Variants in UGT1A9 observed in about 807,000 individuals in gnomAD.
The protein encoded by UGT1A9 is UDP-glucuronosyltransferase 1A9.
A neutral mutation model predicts 45.0 loss-of-function variants in UGT1A9; 35 were observed. The observed-to-expected ratio is 0.78, with a 90% CI of 0.59 to 1.03. The LOEUF is 1.03. Ranked by LOEUF, UGT1A9 falls within the 50% of genes least tolerant of loss-of-function variation. UGT1A9 has a pLI of 0.00. For missense variants in UGT1A9, 687 were observed against 666.6 expected (o/e 1.03, Z -0.34); for synonymous variants, 278 against 250.6 (o/e 1.11, Z -1.03).
intron 1 of UGT1A9, chr2:233,713,803 C>G: frequency 6.2e-7 from 1 of 1,614,054 alleles, no homozygotes; most frequent in East Asian, 2.2e-5. Context: ...CCGATCATGC[C>G]CAACATGGTC....
At chr2:233,734,022 G>T (rs1181978921) in intron 1 of UGT1A9, among the ~76,000 whole-genome samples, 1 of 151,928 alleles carries the variant, frequency 6.6e-6, no homozygotes, top group Non-Finnish European at 1.5e-5. Context: ...CGAGTTAATG[G>T]GTGCAGCACA....
At chr2:233,703,467 T>G (rs1299395084) in intron 1 of UGT1A9, among the ~76,000 whole-genome samples, 1 of 152,154 alleles carries the variant, frequency 6.6e-6, no homozygotes, top group African/African-American at 2.4e-5. Flanking sequence ...CTATTCTTTA[T>G]TATTTTCTGC....
chr2:233,748,151 T>C, intron 1 of UGT1A9: 1 of 1,604,824 alleles, frequency 6.2e-7, no homozygotes, highest in East Asian at 2.2e-5. Flanking sequence ...TTACTTACAA[T>C]TGCTTCCATA....
intron 1 of UGT1A9, chr2:233,690,033 G>A: frequency 2.4e-6 from 1 of 420,618 alleles, no homozygotes; most frequent in Non-Finnish European, 4.7e-6. Flanking sequence ...CAAGATCTGG[G>A]CCCAGAGCAT....
chr2:233,772,593 C>A lies in UGT1A9; in HGVS notation c.*34C>A. The A allele has an allele frequency of 2.5e-6, 4 of 1,598,604 alleles. No individual in the cohort carries two copies. Among genetic ancestry groups the A allele is most frequent in the Non-Finnish European group, 3.4e-6 (4 of 1,171,794 alleles). On this transcript the variant is annotated 3_prime_UTR_variant, in exon 5 of 5. Transcript: ENST00000354728. The stretch of plus-strand genomic sequence containing the variant: ...TGGGAAATAAGGTAAAATTTTGAAC[C>A]ATTCCCTAGTCATTTCCAAACTTGA...
At chr2:233,674,954 T>C (rs933567477) in intron 1 of UGT1A9, among the ~76,000 whole-genome samples, 1 of 152,202 alleles carries the variant, frequency 6.6e-6, no homozygotes, top group African/African-American at 2.4e-5. Flanking sequence ...TACATCTTGC[T>C]GGGAAACAGG....
At chr2:233,719,615 C>A (rs2076787703) in intron 1 of UGT1A9, 1 of 1,614,016 alleles carries the variant, frequency 6.2e-7, no homozygotes, top group Non-Finnish European at 8.5e-7. Flanking sequence ...TGATGGACTA[C>A]CCCAGGCCGA....
intron 1 of UGT1A9, among the ~76,000 whole-genome samples, chr2:233,725,570 A>G (rs1169063809): frequency 1.3e-5 from 2 of 152,178 alleles, no homozygotes; most frequent in Admixed American, 1.3e-4. Flanking sequence ...TATATTCGAT[A>G]TAAGATTATG....
intron 1 of UGT1A9, among the ~76,000 whole-genome samples, chr2:233,700,438 A>G (rs1275307024): frequency 2.0e-5 from 3 of 152,248 alleles, no homozygotes; most frequent in Admixed American, 6.5e-5. Flanking sequence ...TCTAAAGAGT[A>G]GCTGAATGCT....
chr2:233,730,252 T>A (rs1444242669), intron 1 of UGT1A9, among the ~76,000 whole-genome samples: 1 of 152,134 alleles, frequency 6.6e-6, no homozygotes, highest in Non-Finnish European at 1.5e-5. Context: ...GTGTGACTCA[T>A]AGAGACTGTT....
rs1014873450 is a variant in UGT1A9, at chr2:233,765,562, T to G, written c.856-1472T>G. Among the ~76,000 whole-genome samples, 9 of 151,822 alleles carry G rather than the reference T, an allele frequency of 5.9e-5. No homozygotes were observed. In the East Asian group the frequency reaches 1.7e-3, roughly 29 times the overall value. Reference sequence around the variant, plus strand: ...ATAAGTGGGAGTTGAACAGTGAGAATGCGTAGACGCAGGGAGGGGAACAAC... The same window carrying G: ...ATAAGTGGGAGTTGAACAGTGAGAAGGCGTAGACGCAGGGAGGGGAACAAC... On this transcript the variant is annotated intron_variant, in intron 1 of 4. Transcript: ENST00000354728.
rs999993314 is a variant in UGT1A9 at position 233,702,022 on chromosome 2, C to CA, written c.855+29242dup. 3.8e-3 allele frequency among the ~76,000 whole-genome samples: 570 copies of CA among 150,354 alleles called. 6 individuals are homozygous for CA. Among genetic ancestry groups the CA allele is most frequent in the African/African-American group, 0.012 (497 of 41,028 alleles). ...AGCAGAACTGAAGGAAATAGAGACACAAAAAAAAACCCTTCAAAAAATTAA... is the reference window on the plus strand; with the variant it reads ...AGCAGAACTGAAGGAAATAGAGACACAAAAAAAAAACCCTTCAAAAAATTAA... On this transcript the variant is annotated intron_variant, in intron 1 of 4. Transcript: ENST00000354728.
chr2:233,710,120 C>T lies in UGT1A9; in HGVS notation c.855+37331C>T, dbSNP rs183297183. Among the ~76,000 whole-genome samples, 303 of 152,210 alleles carry T rather than the reference C, an allele frequency of 2.0e-3. 3 individuals carry two copies. The highest frequency in any genetic ancestry group is 6.9e-3 in the African/African-American group (286 of 41,512). On this transcript the variant is annotated intron_variant, in intron 1 of 4. Coordinates refer to ENST00000354728, the MANE Select transcript of UGT1A9 (RefSeq NM_021027.3). ...TCAATATTTCATTCGTTTCTATTTCCGAGTAGCATTTCATTGTATAGATAT... is the reference window on the plus strand; with the variant it reads ...TCAATATTTCATTCGTTTCTATTTCTGAGTAGCATTTCATTGTATAGATAT...
intron 1 of UGT1A9, chr2:233,692,968 A>T: frequency 6.2e-7 from 1 of 1,609,996 alleles, no homozygotes; most frequent in Non-Finnish European, 8.5e-7. Context: ...GAGAGTGAAA[A>T]CTCTTTATTA....
rs1384972037 is a variant in UGT1A9 at position 233,682,194 on chromosome 2, A to G, written c.855+9405A>G. 1.2e-6 allele frequency: 2 copies of G among 1,614,130 alleles called. No individual in the cohort carries two copies. Among genetic ancestry groups the G allele is most frequent in the East Asian group, 2.2e-5 (1 of 44,902 alleles). On this transcript the variant is annotated intron_variant, in intron 1 of 4. Transcript: ENST00000354728. ...TCAACCTCATACACTCTGGAGGATC[A>G]GGACCGGGAGTTCATGGTTTTTGCC...
intron 1 of UGT1A9, chr2:233,693,897 G>C (rs901787042): frequency 6.2e-7 from 1 of 1,613,764 alleles, no homozygotes; most frequent in South Asian, 1.1e-5. Context: ...GGACTGCCTT[G>C]TTTCTTCCAG....
intron 1 of UGT1A9, among the ~76,000 whole-genome samples, chr2:233,686,402 T>G (rs1430528761): frequency 6.6e-6 from 1 of 152,140 alleles, no homozygotes; most frequent in African/African-American, 2.4e-5. Flanking sequence ...GGCGCCCTTA[T>G]TAAGGTGTGC....
intron 1 of UGT1A9, among the ~76,000 whole-genome samples, chr2:233,676,137 A>T (rs550615661): frequency 2.6e-5 from 4 of 152,158 alleles, no homozygotes; most frequent in Non-Finnish European, 4.4e-5. Context: ...GGGGTCCTTG[A>T]GCTCCAGCGT....
chr2:233,682,329 G>A lies in UGT1A9; in HGVS notation c.855+9540G>A, dbSNP rs17868324. ...AATTGCAGGAGTTTGTTTAATGACC[G>A]AAAATTAGTAGAATACTTAAAGGAG... On this transcript the variant is annotated intron_variant, in intron 1 of 4. Transcript: ENST00000354728. 0.62 allele frequency: 1,002,373 copies of A among 1,612,762 alleles called. 314,239 individuals carry two copies. Among genetic ancestry groups the A allele is most frequent in the South Asian group, 0.65 (59,099 of 91,046 alleles).
Sources: gnomAD v4.1 joint callset for allele counts (sites outside exome capture counted in the v4.1 genomes callset) on GRCh38, gnomAD v4.1.1 for gene constraint, MANE v1.5 for transcripts, NCBI Gene and HGNC (gene_info 2026-07-23, HGNC 2026-07-21) for gene names.